The following PIEZO2 variants were observed in gnomAD, a reference collection of about 807,000 sequenced individuals.
PIEZO2 encodes the protein piezo type mechanosensitive ion channel component 2, also known as piezo-type mechanosensitive ion channel component 2.
PIEZO2 carries 172 observed loss-of-function variants against 337.3 expected under a neutral mutation model. The observed-to-expected ratio is 0.51, with a 90% confidence interval of 0.45 to 0.58. PIEZO2 has a LOEUF of 0.58. Among genes scored for constraint, PIEZO2 ranks in the 20% least tolerant of loss-of-function variants. The probability of loss-of-function intolerance (pLI) is 0.00; values close to 1 mark genes in which losing one functional copy is unlikely to be tolerated. For synonymous variants in PIEZO2, 1,251 were observed against 1,228.5 expected, an observed-to-expected ratio of 1.02 and a Z score of -0.38; for missense variants, 3,028 against 3,391.3, an observed-to-expected ratio of 0.89 and a Z score of 2.66.
rs1033584417 is a variant in PIEZO2, at chr18:10,784,560, A to G, written c.2492+224T>C. On this transcript the variant is annotated intron_variant, in intron 17 of 55. Transcript: ENST00000674853. This position sits in a 1 kb window ranked among gnomAD's most constrained non-coding sequence, Gnocchi z 4.5. Reference sequence around the variant, plus strand: ...ACTCTGAATATCTCACAAGACGATCAAGATCACTTTACATTAACCAGTCAT... The same window carrying G: ...ACTCTGAATATCTCACAAGACGATCGAGATCACTTTACATTAACCAGTCAT... 6.6e-6 allele frequency among the ~76,000 whole-genome samples: 1 copy of G among 152,262 alleles called. No homozygotes were observed. Among genetic ancestry groups the G allele is most frequent in the Non-Finnish European group, 1.5e-5 (1 of 68,054 alleles).
At position 10,942,300 on chromosome 18, in the gene PIEZO2, G is replaced by A. The variant is rs1480104885; in HGVS notation, c.287-31072C>T. 6.6e-6 allele frequency among the ~76,000 whole-genome samples: 1 copy of A among 152,176 alleles called. No individual in the cohort carries two copies. The highest frequency in any genetic ancestry group is 1.5e-5 in the Non-Finnish European group (1 of 68,032). On this transcript the variant is annotated intron_variant, in intron 3 of 55. Transcript: ENST00000674853. The surrounding 1 kb of genome is among the most constrained non-coding windows in gnomAD (Gnocchi z 4.4). ...AGCTTAGAGGGCTCAGAAGAAGACA[G>A]GAATATGTGGGAAAGCTTGGAACTC...
chr18:11,033,692 T>C lies in PIEZO2; in HGVS notation c.160+32435A>G, dbSNP rs1486731203. 2.6e-5 allele frequency among the ~76,000 whole-genome samples: 4 copies of C among 152,030 alleles called. No individual in the cohort carries two copies. Among genetic ancestry groups the C allele is most frequent in the Non-Finnish European group, 5.9e-5 (4 of 68,008 alleles). ...CATGCCAGAAATGAAGCACTTTCTG[T>C]CATGTGAACCAGTCATACCAAGAGT... is the stretch of plus-strand genomic sequence containing the variant. On this transcript the variant is annotated intron_variant, in intron 2 of 55. Transcript: ENST00000674853. This position sits in a 1 kb window ranked among gnomAD's most constrained non-coding sequence, Gnocchi z 4.2.
rs1332033047 is a variant in PIEZO2, at chr18:10,750,244, T to C, written c.4168-57A>G. On this transcript the variant is annotated intron_variant, in intron 28 of 55. Transcript: ENST00000674853. This position sits in a 1 kb window ranked among gnomAD's most constrained non-coding sequence, Gnocchi z 4.1. ...GCTCTGCAGCCAGAAAAAAAAGTGGTGTTTTATGATCCCAACATGTGCAAG... is the reference window on the plus strand; with the variant it reads ...GCTCTGCAGCCAGAAAAAAAAGTGGCGTTTTATGATCCCAACATGTGCAAG... The C allele has an allele frequency of 1.6e-6, 2 of 1,261,564 alleles. No homozygotes were observed. Among genetic ancestry groups the C allele is most frequent in the South Asian group, 1.3e-5 (1 of 78,236 alleles). The allele number at this position is 1,261,564 out of a possible 1,614,324, so 78.1% of individuals were successfully genotyped here.
At chr18:11,010,497 G>A (rs1180466524) in intron 2 of PIEZO2, among the ~76,000 whole-genome samples, 1 of 152,158 alleles carries the variant, frequency 6.6e-6, no homozygotes, top group Non-Finnish European at 1.5e-5. Flanking sequence ...AACACCACTA[G>A]GAACAGAAAT....
At chr18:10,941,919 G>A (rs1452817970) in intron 3 of PIEZO2, among the ~76,000 whole-genome samples, 1 of 152,146 alleles carries the variant, frequency 6.6e-6, no homozygotes, top group African/African-American at 2.4e-5. Context: ...GAATCATGGG[G>A]GGTGGGTCTT....
At chr18:10,928,036 T>C (rs1430240469) in intron 3 of PIEZO2, among the ~76,000 whole-genome samples, 1 of 152,208 alleles carries the variant, frequency 6.6e-6, no homozygotes. Context: ...AACAATACCA[T>C]ACACTGGTGT....
intron 2 of PIEZO2, among the ~76,000 whole-genome samples, chr18:11,015,716 G>C (rs888263133): frequency 6.6e-6 from 1 of 152,100 alleles, no homozygotes; most frequent in Non-Finnish European, 1.5e-5. Context: ...CTGCAGAACA[G>C]GAACGACTCT....
Position 10,671,056 on chromosome 18 carries a change from T to C in PIEZO2, c.*471A>G, listed in dbSNP as rs2033749122. 6.5e-6 allele frequency: 1 copy of C among 153,610 alleles called. No homozygotes were observed. Among genetic ancestry groups the C allele is most frequent in the Admixed American group, 6.5e-5 (1 of 15,354 alleles). The allele number at this position is 153,610 out of a possible 1,614,324, so 9.5% of individuals were successfully genotyped here. On this transcript the variant is annotated 3_prime_UTR_variant, in exon 56 of 56. Transcript: ENST00000674853. ...CAGGTAGGAGCTGTCTGCCCCCTAT[T>C]GCTGTTGCATTTTCTGAGTGTGTTG... is the stretch of plus-strand genomic sequence containing the variant.
rs147864820 is a variant in PIEZO2 at position 10,714,075 on chromosome 18, T to A, written c.5423+689A>T. ...TTTGGATTGCGGGTCCGCTTTTATA[T>A]ACATCCTAGCTGTGTGACTTTGGGT... is the stretch of plus-strand genomic sequence containing the variant. On this transcript the variant is annotated intron_variant, in intron 39 of 55. Coordinates refer to ENST00000674853, the MANE Select transcript of PIEZO2 (RefSeq NM_001378183.1). Among the ~76,000 whole-genome samples the A allele has an allele frequency of 7.9e-5, 12 of 152,296 alleles. No homozygotes were observed. In the East Asian group the frequency reaches 2.3e-3, roughly 29 times the overall value.
At chr18:10,860,043 A>G (rs1219948108) in intron 5 of PIEZO2, among the ~76,000 whole-genome samples, 2 of 152,142 alleles carry the variant, frequency 1.3e-5, no homozygotes, top group African/African-American at 4.8e-5. Flanking sequence ...GGCAGATTGG[A>G]GACGGAGAGT....
At chr18:10,751,394 G>A (rs1436531634) in intron 28 of PIEZO2, among the ~76,000 whole-genome samples, 5 of 152,172 alleles carry the variant, frequency 3.3e-5, no homozygotes, top group Non-Finnish European at 7.3e-5. Flanking sequence ...CCAGAGTTCT[G>A]TTGTCCTGTC....
rs1420217288 is a variant in PIEZO2, at chr18:10,704,527, A to G, written c.6125T>C (p.Val2042Ala). 6 of 1,537,246 alleles carry G rather than the reference A, an allele frequency of 3.9e-6. No homozygotes were observed. In the South Asian group the frequency reaches 7.1e-5, roughly 18 times the overall value. Reference protein sequence around the residue: ...VARSEMVCYFVIILNHMVSAS... With the variant: ...VARSEMVCYFAIILNHMVSAS... ...AGAGACCATGTGGTTGAGGATGATC[A>G]CGAAGTAGCACACCATCTCCGAGCG... is the stretch of plus-strand genomic sequence containing the variant. The change falls in exon 42 of 56, where the codon GTG (valine) becomes GCG (alanine). Residue 2042 changes from valine to alanine, a missense_variant. Transcript: ENST00000674853.
At chr18:10,917,868 C>A (rs1388785957) in intron 3 of PIEZO2, among the ~76,000 whole-genome samples, 2 of 152,184 alleles carry the variant, frequency 1.3e-5, no homozygotes, top group African/African-American at 2.4e-5. Flanking sequence ...CCACTCATAA[C>A]TTTTCTGCCA....
rs576491139 is a variant in PIEZO2 at position 10,786,171 on chromosome 18, C to T, written c.2318+865G>A. Among the ~76,000 whole-genome samples, 19 of 152,322 alleles carry T rather than the reference C, an allele frequency of 1.2e-4. No homozygotes were observed. In the South Asian group the frequency reaches 3.9e-3, roughly 32 times the overall value. ...CGTGCCAGTCACTCATTTATAGTTC[C>T]CCCTTACTCACTGCCTCAGCCTGTT... is the stretch of plus-strand genomic sequence containing the variant. On this transcript the variant is annotated intron_variant, in intron 16 of 55. Transcript: ENST00000674853.
chr18:11,060,578 A>T (rs2145893149), intron 2 of PIEZO2, among the ~76,000 whole-genome samples: 1 of 152,358 alleles, frequency 6.6e-6, no homozygotes, highest in South Asian at 2.1e-4. Context: ...AGGGGATATC[A>T]CCACCGATCC....
chr18:10,818,252 T>C (rs977165645), intron 7 of PIEZO2, among the ~76,000 whole-genome samples: 6 of 152,198 alleles, frequency 3.9e-5, no homozygotes, highest in African/African-American at 1.2e-4. Flanking sequence ...TACTACTCCA[T>C]GTTAACCTTC....
At chr18:10,921,055 A>AAAAC (rs886857913) in intron 3 of PIEZO2, among the ~76,000 whole-genome samples, 7 of 152,160 alleles carry the variant, frequency 4.6e-5, no homozygotes, top group African/African-American at 9.7e-5. Context: ...CTCCGTCTCA[A>AAAAC]AAACAAACAA....
intron 1 of PIEZO2, among the ~76,000 whole-genome samples, chr18:11,137,955 G>C (rs1439690240): frequency 6.6e-6 from 1 of 152,082 alleles, no homozygotes; most frequent in Non-Finnish European, 1.5e-5. Flanking sequence ...TTCCTTCTCT[G>C]TTCCCTGCAA....
Position 11,146,714 on chromosome 18 carries a change from C to T in PIEZO2, c.64+1811G>A, listed in dbSNP as rs2040820699. Reference sequence around the variant, plus strand: ...AGGTCGCAGGCAATCGCTGCTGGCACTTCATTCCGCCACTGGTGCCAAGTC... The same window carrying T: ...AGGTCGCAGGCAATCGCTGCTGGCATTTCATTCCGCCACTGGTGCCAAGTC... On this transcript the variant is annotated intron_variant, in intron 1 of 55. Coordinates refer to ENST00000674853, the MANE Select transcript of PIEZO2 (RefSeq NM_001378183.1). This position sits in a 1 kb window ranked among gnomAD's most constrained non-coding sequence, Gnocchi z 6.1. Among the ~76,000 whole-genome samples, 1 of 152,258 alleles carries T rather than the reference C, an allele frequency of 6.6e-6. No homozygotes were observed. Among genetic ancestry groups the T allele is most frequent in the Non-Finnish European group, 1.5e-5 (1 of 68,050 alleles).
Sources: allele counts gnomAD v4.1 joint callset (sites outside exome capture counted in the v4.1 genomes callset), GRCh38; gene constraint gnomAD v4.1.1; non-coding constraint Gnocchi (gnomAD v3.1); transcripts MANE v1.5; gene names NCBI Gene and HGNC (gene_info 2026-07-23, HGNC 2026-07-21).